Variants in LMBRD2 observed in about 807,000 individuals in gnomAD.
LMBRD2 encodes G protein-coupled receptor-associated protein LMBRD2.
A neutral mutation model predicts 94.4 loss-of-function variants in LMBRD2; 55 were observed. The observed-to-expected ratio is 0.58, with a 90% CI of 0.47 to 0.73. The LOEUF (loss-of-function observed/expected upper bound fraction) is 0.73. Ranked by LOEUF, LMBRD2 falls within the 30% of genes least tolerant of loss-of-function variation. The pLI, the probability that LMBRD2 is intolerant of heterozygous loss-of-function variation, is 0.00. For missense variants in LMBRD2, 640 were observed against 831.9 expected (o/e 0.77, Z 2.84); for synonymous variants, 246 against 272.4 (o/e 0.90, Z 0.95).
intron 6 of LMBRD2, among the ~76,000 whole-genome samples, chr5:36,129,874 A>G (rs1744092713): frequency 6.6e-6 from 1 of 152,244 alleles, no homozygotes; most frequent in African/African-American, 2.4e-5. Context: ...GGATGAGTTC[A>G]TGTCCTTTGT....
rs1744270793 is a variant in LMBRD2 at position 36,136,399 on chromosome 5, C to T, written c.657G>A (p.Arg219=). 6.2e-7 allele frequency: 1 copy of T among 1,613,922 alleles called. No individual in the cohort carries two copies. The highest frequency in any genetic ancestry group is 8.5e-7 in the Non-Finnish European group (1 of 1,179,950). ...AATACGTTTTCATAAGTAGATAACCCCTTTTTGCTCCATTCCAGTATGATC... is the reference window on the plus strand; with the variant it reads ...AATACGTTTTCATAAGTAGATAACCTCTTTTTGCTCCATTCCAGTATGATC... ...IPRSYWNGAK[R]GYLLMKTYFK... Residue 219 remains arginine (R), a synonymous_variant, in exon 6 of 18, where the codon AGG becomes AGA. Transcript: ENST00000296603.
intron 1 of LMBRD2, among the ~76,000 whole-genome samples, chr5:36,149,380 T>C (rs562473117): frequency 1.1e-4 from 16 of 152,300 alleles, no homozygotes; most frequent in African/African-American, 3.8e-4. Flanking sequence ...AAAAGTCCAA[T>C]ATAGTACAGA....
At chr5:36,150,207 A>G (rs1277034812) in intron 1 of LMBRD2, among the ~76,000 whole-genome samples, 3 of 152,256 alleles carry the variant, frequency 2.0e-5, no homozygotes, top group Non-Finnish European at 4.4e-5. Flanking sequence ...CTCTCCCTGA[A>G]GTCCTAGAGA....
At chr5:36,117,169 G>A (rs144945608) in intron 10 of LMBRD2, among the ~76,000 whole-genome samples, 84 of 151,956 alleles carry the variant, frequency 5.5e-4, no homozygotes, top group African/African-American at 2.0e-3. Context: ...TTCACATGAG[G>A]CCTATAAGTT....
chr5:36,108,619 T>C lies in LMBRD2; in HGVS notation c.1812A>G (p.Gly604=). The stretch of plus-strand genomic sequence containing the variant: ...TCCTAGTGGAATCTTCTCTATTGTG[T>C]CCATAACGTTCTTTCCATTCCTAGA... The part of the protein sequence containing the change: ...NRRREWKERY[G]HNREDSTRNR... The change falls in exon 16 of 18, where the codon GGA becomes GGG. Residue 604 remains glycine (G), a synonymous_variant. Coordinates refer to ENST00000296603, the MANE Select transcript of LMBRD2 (RefSeq NM_001007527.2). 1 of 1,543,110 alleles carries C rather than the reference T, an allele frequency of 6.5e-7. No individual in the cohort carries two copies. Among genetic ancestry groups the C allele is most frequent in the South Asian group, 1.3e-5 (1 of 79,568 alleles).
At chr5:36,116,363 T>C (rs1009718202) in intron 11 of LMBRD2, 97 bp downstream of exon 11, 108 of 1,047,234 alleles carry the variant, frequency 1.0e-4, no homozygotes, top group Non-Finnish European at 1.5e-4. Context: ...GAAATATAGA[T>C]GTTAGTGGAA....
At chr5:36,149,678 G>T (rs1334003675) in intron 1 of LMBRD2, among the ~76,000 whole-genome samples, 1 of 152,210 alleles carries the variant, frequency 6.6e-6, no homozygotes, top group Non-Finnish European at 1.5e-5. Flanking sequence ...AGGCTGAGGT[G>T]GGTGGATCAT....
rs1471088507 is a variant in LMBRD2, at chr5:36,103,748, C to T, written c.*298G>A. On this transcript the variant is annotated 3_prime_UTR_variant, in exon 18 of 18. Coordinates refer to ENST00000296603, the MANE Select transcript of LMBRD2 (RefSeq NM_001007527.2). The stretch of plus-strand genomic sequence containing the variant: ...CTCTTGAAAAAAAATTAATCTGAAA[C>T]AAACTGAACTGCATGTTCTTAACAT... 2 of 172,414 alleles carry T rather than the reference C, an allele frequency of 1.2e-5. No homozygotes were observed. Among genetic ancestry groups the T allele is most frequent in the Non-Finnish European group, 2.5e-5 (2 of 81,074 alleles). 10.7% of individuals were successfully genotyped at this position (172,414 alleles called of 1,614,324 possible). A position where few individuals can be genotyped will look rare whatever the true frequency, so the allele number is the denominator to read the frequency against.
At chr5:36,143,056 A>G (rs1215667677) in intron 2 of LMBRD2, 120 bp downstream of exon 2, 1 of 755,020 alleles carries the variant, frequency 1.3e-6, no homozygotes, top group Non-Finnish European at 2.1e-6. Flanking sequence ...TCAAATGGCC[A>G]TATAATCTTT....
intron 9 of LMBRD2, among the ~76,000 whole-genome samples, chr5:36,119,946 T>A (rs1743846624): frequency 2.0e-5 from 3 of 152,242 alleles, no homozygotes. Flanking sequence ...ATGAACATTG[T>A]CTTAGAAATT....
chr5:36,120,055 CTCTCTT>C (rs1743851135), intron 9 of LMBRD2, among the ~76,000 whole-genome samples: 1 of 150,870 alleles, frequency 6.6e-6, no homozygotes, highest in African/African-American at 2.4e-5. Flanking sequence ...TCATCTCTCT[CTCTCTT>C]TATTTCTTTT....
At chr5:36,111,303 T>C (rs1445793929) in intron 13 of LMBRD2, 45 bp from the exon 14 acceptor site, 1 of 1,230,004 alleles carries the variant, frequency 8.1e-7, no homozygotes, top group Non-Finnish European at 1.2e-6. Flanking sequence ...TATTTCACAT[T>C]GTAAATATTT....
intron 4 of LMBRD2, among the ~76,000 whole-genome samples, chr5:36,138,407 G>A (rs542129293): frequency 6.6e-6 from 1 of 152,214 alleles, no homozygotes; most frequent in Non-Finnish European, 1.5e-5. Context: ...ATACAGCACA[G>A]CATAGATGAA....
In LMBRD2 at chr5:36,151,045, T is replaced by C. The variant is rs1330975261; in HGVS notation, c.-58+511A>G. On this transcript the variant is annotated intron_variant, in intron 1 of 17. Transcript: ENST00000296603. The surrounding 1 kb of genome is among the most constrained non-coding windows in gnomAD (Gnocchi z 4.7). Reference sequence around the variant, plus strand: ...TTCCACTGTTTTCCCGGGGTCACAGTTGTAGTATAGTTTGCCCAATGGATT... The same window carrying C: ...TTCCACTGTTTTCCCGGGGTCACAGCTGTAGTATAGTTTGCCCAATGGATT... Among the ~76,000 whole-genome samples the C allele has an allele frequency of 6.6e-6, 1 of 152,206 alleles. No homozygotes were observed. Among genetic ancestry groups the C allele is most frequent in the African/African-American group, 2.4e-5 (1 of 41,450 alleles).
chr5:36,110,838 T>C (rs943467319), intron 14 of LMBRD2, among the ~76,000 whole-genome samples: 2 of 152,070 alleles, frequency 1.3e-5, no homozygotes, highest in Non-Finnish European at 2.9e-5. Flanking sequence ...AGTTTTATAG[T>C]TGTACAGAGC....
intron 14 of LMBRD2, among the ~76,000 whole-genome samples, chr5:36,110,696 T>G (rs909611492): frequency 6.6e-6 from 1 of 152,010 alleles, no homozygotes; most frequent in Non-Finnish European, 1.5e-5. Flanking sequence ...TTTAATACAC[T>G]CAGTTTTGTG....
At chr5:36,144,121 A>C (rs944683261) in intron 1 of LMBRD2, among the ~76,000 whole-genome samples, 6 of 152,122 alleles carry the variant, frequency 3.9e-5, no homozygotes, top group Non-Finnish European at 7.4e-5. Flanking sequence ...ACATTTGAAA[A>C]CATTCTTAAT....
intron 14 of LMBRD2, among the ~76,000 whole-genome samples, chr5:36,110,553 T>C (rs530832485): frequency 2.6e-5 from 4 of 152,092 alleles, no homozygotes; most frequent in South Asian, 2.1e-4. Flanking sequence ...GGAGCTGCAA[T>C]ACATTTTGTC....
chr5:36,138,245 A>G (rs1579524152), intron 4 of LMBRD2, among the ~76,000 whole-genome samples: 1 of 152,238 alleles, frequency 6.6e-6, no homozygotes, highest in East Asian at 1.9e-4. Flanking sequence ...TAGAAAGCAG[A>G]GTACTATGGT....
Sources: gnomAD v4.1 joint callset for allele counts (sites outside exome capture counted in the v4.1 genomes callset) on GRCh38, gnomAD v4.1.1 for gene constraint, Gnocchi (gnomAD v3.1) non-coding constraint, MANE v1.5 for transcripts, NCBI Gene and HGNC (gene_info 2026-07-23, HGNC 2026-07-21) for gene names.